The following AGMO variants were observed in gnomAD, a reference collection of about 807,000 sequenced individuals.
The protein encoded by AGMO is alkylglycerol monooxygenase, also known as glyceryl-ether monooxygenase.
AGMO carries 75 observed loss-of-function variants against 60.2 expected under a neutral mutation model. That is an observed-to-expected ratio of 1.25 (90% CI 1.03 to 1.51). The LOEUF is 1.51. Among genes scored for constraint, AGMO ranks in the 40% most tolerant of loss-of-function variants. The pLI is 0.00. For missense variants in AGMO, 763 were observed against 525.5 expected (o/e 1.45, Z -4.42); for synonymous variants, 261 against 177.1 (o/e 1.47, Z -3.76).
At chr7:15,176,070 T>G in the AGMO span, among the ~76,000 whole-genome samples, 1 of 152,040 alleles carries the variant, frequency 6.6e-6, no homozygotes, top group African/African-American at 2.4e-5. Context: ...ATGTCATGTC[T>G]GCCACTTTTT....
intron 12 of AGMO, among the ~76,000 whole-genome samples, chr7:15,209,250 A>G (rs1196435716): frequency 6.6e-6 from 1 of 152,204 alleles, no homozygotes; most frequent in Non-Finnish European, 1.5e-5. Flanking sequence ...TTGATGTACA[A>G]AAACTTCAAT....
intron 3 of AGMO, among the ~76,000 whole-genome samples, chr7:15,438,916 T>C (rs191638188): frequency 2.6e-5 from 4 of 152,350 alleles, no homozygotes; most frequent in Admixed American, 6.5e-5. Context: ...ACCACAAATA[T>C]AGAGTGATTT....
At chr7:15,540,726 A>G (rs1427309305) in intron 3 of AGMO, among the ~76,000 whole-genome samples, 1 of 152,206 alleles carries the variant, frequency 6.6e-6, no homozygotes, top group Non-Finnish European at 1.5e-5. Flanking sequence ...ATAGAGTCAC[A>G]AATCATAACC....
At chr7:15,455,419 G>C (rs545922556) in intron 3 of AGMO, among the ~76,000 whole-genome samples, 2 of 152,154 alleles carry the variant, frequency 1.3e-5, no homozygotes, top group African/African-American at 4.8e-5. Context: ...TGGGTCACCA[G>C]CTTCCTAAAC....
intron 3 of AGMO, among the ~76,000 whole-genome samples, chr7:15,477,112 C>A (rs371839086): frequency 6.6e-6 from 1 of 150,546 alleles, no homozygotes; most frequent in Non-Finnish European, 1.5e-5. Context: ...CTATCACAGA[C>A]TATTTATTTT....
At chr7:15,527,609 C>G (rs76296468) in intron 3 of AGMO, among the ~76,000 whole-genome samples, 2,023 of 152,258 alleles carry the variant, frequency 0.013, 43 homozygotes, top group African/African-American at 0.047. Context: ...TAAGACCATT[C>G]AAGGTGGCTG....
intron 10 of AGMO, among the ~76,000 whole-genome samples, chr7:15,371,624 C>G (rs546155624): frequency 1.3e-5 from 2 of 152,128 alleles, no homozygotes; most frequent in Non-Finnish European, 2.9e-5. Flanking sequence ...TCTCGAACTC[C>G]TGACCTCAGG....
intron 12 of AGMO, among the ~76,000 whole-genome samples, chr7:15,229,003 A>C (rs1298009224): frequency 6.6e-6 from 1 of 152,146 alleles, no homozygotes; most frequent in Non-Finnish European, 1.5e-5. Flanking sequence ...AATAAAAACA[A>C]GCTGAAACTC....
chr7:15,500,872 A>G (rs192131791), intron 3 of AGMO, among the ~76,000 whole-genome samples: 1 of 151,900 alleles, frequency 6.6e-6, no homozygotes, highest in African/African-American at 2.4e-5. Context: ...CGTCTCAGAG[A>G]TTCTGGCATG....
At chr7:15,337,046 C>T (rs1189528515) in intron 12 of AGMO, among the ~76,000 whole-genome samples, 1 of 152,170 alleles carries the variant, frequency 6.6e-6, no homozygotes, top group Admixed American at 6.6e-5. Context: ...CATCATATGC[C>T]ATCAAATTTT....
Position 15,202,051 on chromosome 7 carries a change from A to G in AGMO, c.1264-692T>C, listed in dbSNP as rs185305713. ...TACCTAGGCACCGACAATTAAAACTATAGGATTGCTTTCCTGATCACCATT... is the reference window on the plus strand; with the variant it reads ...TACCTAGGCACCGACAATTAAAACTGTAGGATTGCTTTCCTGATCACCATT... On this transcript the variant is annotated intron_variant, in intron 12 of 12. Transcript: ENST00000342526. Among the ~76,000 whole-genome samples the G allele has an allele frequency of 3.3e-5, 5 of 152,222 alleles. No individual in the cohort carries two copies. In the East Asian group the frequency reaches 9.7e-4, roughly 29 times the overall value.
At chr7:15,509,522 G>A (rs1783616979) in intron 3 of AGMO, among the ~76,000 whole-genome samples, 1 of 151,942 alleles carries the variant, frequency 6.6e-6, no homozygotes, top group Non-Finnish European at 1.5e-5. Flanking sequence ...CATTGACCTT[G>A]GAAATTTTTT....
intron 12 of AGMO, among the ~76,000 whole-genome samples, chr7:15,299,654 A>T (rs1036975439): frequency 6.6e-6 from 1 of 152,058 alleles, no homozygotes; most frequent in Non-Finnish European, 1.5e-5. Flanking sequence ...GGTGAAACCC[A>T]GTCTCTACTA....
At chr7:15,531,384 ATATATATTCTATATATATATTC>A (rs1784341550) in intron 3 of AGMO, among the ~76,000 whole-genome samples, 20 of 91,974 alleles carry the variant, frequency 2.2e-4, no homozygotes, top group Admixed American at 3.2e-4. Context: ...TATATATTCT[ATATATATTCTATATATATATTC>A]TATATATATT....
At chr7:15,119,596 T>C in the AGMO span, among the ~76,000 whole-genome samples, 1 of 152,152 alleles carries the variant, frequency 6.6e-6, no homozygotes, top group African/African-American at 2.4e-5. Flanking sequence ...GTATATCCAA[T>C]GTATTAATCC....
intron 2 of AGMO, among the ~76,000 whole-genome samples, chr7:15,554,250 A>T (rs1042271594): frequency 6.6e-6 from 1 of 152,004 alleles, no homozygotes; most frequent in African/African-American, 2.4e-5. Flanking sequence ...ATGACTCTGC[A>T]CCCTGGAATT....
At chr7:15,182,875 G>A in the AGMO span, among the ~76,000 whole-genome samples, 1 of 152,100 alleles carries the variant, frequency 6.6e-6, no homozygotes, top group African/African-American at 2.4e-5. Flanking sequence ...TTTCAATCGT[G>A]GTGGAAGATG....
At chr7:15,302,859 T>C (rs1300224095) in intron 12 of AGMO, among the ~76,000 whole-genome samples, 1 of 152,256 alleles carries the variant, frequency 6.6e-6, no homozygotes, top group Non-Finnish European at 1.5e-5. Flanking sequence ...AGCCATGAAA[T>C]TGTTACTGAG....
intron 5 of AGMO, among the ~76,000 whole-genome samples, chr7:15,407,616 A>T (rs1428326272): frequency 6.6e-6 from 1 of 151,768 alleles, no homozygotes; most frequent in Non-Finnish European, 1.5e-5. Flanking sequence ...TTGATTTGAA[A>T]CCCATAAGCA....
Sources: allele counts gnomAD v4.1 joint callset (sites outside exome capture counted in the v4.1 genomes callset), GRCh38; gene constraint gnomAD v4.1.1; transcripts MANE v1.5; gene names NCBI Gene and HGNC (gene_info 2026-07-23, HGNC 2026-07-21).